TTC21A: variants seen among roughly 807,000 people sequenced by gnomAD.
TTC21A encodes the protein tetratricopeptide repeat domain 21A.
A neutral mutation model predicts 156.4 loss-of-function variants in TTC21A; 128 were observed. That is an observed-to-expected ratio of 0.82 (90% confidence interval 0.71 to 0.95). TTC21A has a LOEUF of 0.95. TTC21A is among the 40% of genes least tolerant of loss of function. The pLI is 0.00. For synonymous variants in TTC21A, 587 were observed against 617.1 expected, an observed-to-expected ratio of 0.95 and a Z score of 0.72; for missense variants, 1,435 against 1,602.3, an observed-to-expected ratio of 0.90 and a Z score of 1.78.
chr3:39,112,555 A>G lies in TTC21A; in HGVS notation c.533A>G (p.Lys178Arg), dbSNP rs748576293. The G allele has an allele frequency of 1.9e-6, 3 of 1,614,154 alleles. No homozygotes were observed. The highest frequency in any genetic ancestry group is 1.1e-5 in the South Asian group (1 of 91,072). ...EYLEQGIQDT[K>R]DVLGLMGKAM... ...CTGGAACAAGGAATTCAGGACACCAAAGATGTGCTGGGGCTGATGGGAAAG... is the reference window on the plus strand; with the variant it reads ...CTGGAACAAGGAATTCAGGACACCAGAGATGTGCTGGGGCTGATGGGAAAG... Residue 178 changes from lysine (K) to arginine (R), a missense_variant, in exon 5 of 29, where the codon AAA becomes AGA. Lys to Arg is a conservative substitution (Grantham distance 26). Transcript: ENST00000683103.
intron 9 of TTC21A, among the ~76,000 whole-genome samples, chr3:39,122,048 C>A (rs978572887): frequency 6.6e-6 from 1 of 152,144 alleles, no homozygotes; most frequent in African/African-American, 2.4e-5. Flanking sequence ...ATGGCTCACG[C>A]CTGTAATCCC....
In TTC21A at chr3:39,129,392, A is replaced by T. The variant is rs1017898169; in HGVS notation, c.2135+82A>T. 4.7e-6 allele frequency: 5 copies of T among 1,054,078 alleles called. No homozygotes were observed. The African/African-American group carries it at 6.3e-5, about 13-fold the overall frequency. 65.3% of individuals were successfully genotyped at this position (1,054,078 alleles called of 1,614,324 possible). ...GTTTCCTTCAGATGGTATTTCTTCA[A>T]CCTGGGTCTCCAGAATGTGTCCTTG... On this transcript the variant is annotated intron_variant, in intron 15 of 28. Transcript: ENST00000683103.
Position 39,134,783 on chromosome 3 carries a change from G to A in TTC21A, c.2863-310G>A. On this transcript the variant is annotated intron_variant, in intron 21 of 28. Transcript: ENST00000683103. This position sits in a 1 kb window ranked among gnomAD's most constrained non-coding sequence, Gnocchi z 4.6. The stretch of plus-strand genomic sequence containing the variant: ...TTGCCTGGCAGTTCTCAGAATGGGT[G>A]GAGAGGCTTCCCCTGTAGGCTGTCA... 1.9e-6 allele frequency: 1 copy of A among 520,210 alleles called. No individual in the cohort carries two copies. The highest frequency in any genetic ancestry group is 2.3e-5 in the South Asian group (1 of 44,094). The allele number at this position is 520,210 out of a possible 1,614,324, so 32.2% of individuals were successfully genotyped here.
chr3:39,110,962 A>G lies in TTC21A; in HGVS notation c.380A>G (p.Asp127Gly), dbSNP rs567860074. ...TTCCTCTGGCTCATAGGCCGCCATG[A>G]CAAGGCCAAAGAGTACATTGACCGC... is the stretch of plus-strand genomic sequence containing the variant. ...GLFLWLIGRH[D>G]KAKEYIDRML... Residue 127 changes from aspartate (D) to glycine (G), a missense_variant, in exon 4 of 29, where the codon GAC becomes GGC. Coordinates refer to ENST00000683103, the MANE Select transcript of TTC21A (RefSeq NM_001366900.1). 2 of 1,613,986 alleles carry G rather than the reference A, an allele frequency of 1.2e-6. No homozygotes were observed. Among genetic ancestry groups the G allele is most frequent in the South Asian group, 2.2e-5 (2 of 91,080 alleles).
intron 7 of TTC21A, 109 bp downstream of exon 7, chr3:39,118,262 A>C: frequency 1.8e-6 from 2 of 1,081,752 alleles, no homozygotes; most frequent in Non-Finnish European, 2.8e-6. Flanking sequence ...CCTGGATCTC[A>C]GCTTCCTCTT....
chr3:39,132,121 A>T (rs2038771442), intron 19 of TTC21A, among the ~76,000 whole-genome samples: 1 of 152,184 alleles, frequency 6.6e-6, no homozygotes, highest in African/African-American at 2.4e-5. Context: ...TACTCTACTG[A>T]ATACTGTAGA....
chr3:39,124,488 C>T (rs1047463443), intron 9 of TTC21A, among the ~76,000 whole-genome samples: 29 of 151,950 alleles, frequency 1.9e-4, no homozygotes, highest in African/African-American at 6.7e-4. Flanking sequence ...GGCAAAACCC[C>T]GTTTCTACTA....
At chr3:39,124,069 A>G (rs368445125) in intron 9 of TTC21A, among the ~76,000 whole-genome samples, 1 of 152,228 alleles carries the variant, frequency 6.6e-6, no homozygotes, top group East Asian at 1.9e-4. Context: ...AAGTTCAAGT[A>G]TCTTTGAGGG....
At chr3:39,123,324 G>A (rs1195092922) in intron 9 of TTC21A, among the ~76,000 whole-genome samples, 1 of 152,194 alleles carries the variant, frequency 6.6e-6, no homozygotes, top group Non-Finnish European at 1.5e-5. Context: ...ACCTGTGCAA[G>A]TAGAATAGCT....
Position 39,138,259 on chromosome 3 carries a change from C to G in TTC21A, c.3676-8C>G. The G allele has an allele frequency of 6.2e-7, 1 of 1,613,950 alleles. No individual in the cohort carries two copies. Among genetic ancestry groups the G allele is most frequent in the East Asian group, 2.2e-5 (1 of 44,886 alleles). On this transcript the variant is annotated splice_polypyrimidine_tract_variant and splice_region_variant and intron_variant, in intron 26 of 28. Transcript: ENST00000683103. Reference sequence around the variant, plus strand: ...CTCTGCAGAGGCTCTAACTGGCTTTCCCTGCAGTCCTGCTACAAGGCCTAT... The same window carrying G: ...CTCTGCAGAGGCTCTAACTGGCTTTGCCTGCAGTCCTGCTACAAGGCCTAT...
chr3:39,130,377 G>A lies in TTC21A; in HGVS notation c.2319+19G>A. ...TACTGAGGTCAGGCTGGGCTAGGGT[G>A]TGAAGGGGCAGGGAGGGCCAGCCCA... On this transcript the variant is annotated intron_variant, in intron 17 of 28. Coordinates refer to ENST00000683103, the MANE Select transcript of TTC21A (RefSeq NM_001366900.1). This position sits in a 1 kb window ranked among gnomAD's most constrained non-coding sequence, Gnocchi z 4.5. The A allele has an allele frequency of 6.3e-7, 1 of 1,596,876 alleles. No homozygotes were observed. Among genetic ancestry groups the A allele is most frequent in the Non-Finnish European group, 8.6e-7 (1 of 1,168,246 alleles).
chr3:39,136,797 C>A, intron 23 of TTC21A, 102 bp from the exon 24 acceptor site: 1 of 1,417,448 alleles, frequency 7.1e-7, no homozygotes. Flanking sequence ...ACCAGAGATC[C>A]AGCCTCTGCT....
intron 8 of TTC21A, 125 bp downstream of exon 8, chr3:39,120,145 A>C (rs959284334): frequency 6.0e-6 from 4 of 669,760 alleles, no homozygotes; most frequent in Non-Finnish European, 7.8e-6. Context: ...CTTGTCCTTT[A>C]GGGTAGTGGC....
In TTC21A at chr3:39,138,061, C is replaced by T. The variant is rs116523310; in HGVS notation, c.3676-206C>T. On this transcript the variant is annotated intron_variant, in intron 26 of 28. Coordinates refer to ENST00000683103, the MANE Select transcript of TTC21A (RefSeq NM_001366900.1). Reference sequence around the variant, plus strand: ...AGGAGGGCTACAGGGAAAGGGGTTACGCCAGTGTCTGGGGTAGCTGAGAGG... The same window carrying T: ...AGGAGGGCTACAGGGAAAGGGGTTATGCCAGTGTCTGGGGTAGCTGAGAGG... 2.1e-3 allele frequency: 1,415 copies of T among 677,810 alleles called. 13 individuals are homozygous for T. The highest frequency in any genetic ancestry group is 0.018 in the African/African-American group (1,022 of 55,374). The allele number at this position is 677,810 out of a possible 1,614,324, so 42.0% of individuals were successfully genotyped here.
Position 39,118,096 on chromosome 3 carries a change from T to C in TTC21A, c.744T>C (p.Ile248=). The C allele has an allele frequency of 6.2e-7, 1 of 1,614,178 alleles. No individual in the cohort carries two copies. Among genetic ancestry groups the C allele is most frequent in the Non-Finnish European group, 8.5e-7 (1 of 1,179,972 alleles). The change falls in exon 7 of 29, where the codon ATT becomes ATC. Residue 248 remains isoleucine, a synonymous_variant. Transcript: ENST00000683103. ...TCCTAGAAAAAGATGAGAGCAATAT[T>C]GATGCCTGCCAAATTCTAACCGTGC... The part of the protein sequence containing the change: ...HRILEKDESN[I]DACQILTVHE...
At chr3:39,132,774 C>T (rs1366083189) in intron 19 of TTC21A, 1 of 500,086 alleles carries the variant, frequency 2.0e-6, no homozygotes, top group Admixed American at 3.5e-5. Flanking sequence ...GAATTAGACA[C>T]AGAACCTCAA....
intron 20 of TTC21A, among the ~76,000 whole-genome samples, 161 bp downstream of exon 20, chr3:39,133,401 A>G (rs1396664296): frequency 1.3e-5 from 2 of 152,228 alleles, no homozygotes; most frequent in Admixed American, 6.5e-5. Flanking sequence ...CTCTGGGGTA[A>G]GGTGTCTGCT....
At chr3:39,124,009 C>T (rs922875657) in intron 9 of TTC21A, among the ~76,000 whole-genome samples, 13 of 152,082 alleles carry the variant, frequency 8.5e-5, no homozygotes, top group Non-Finnish European at 1.5e-5. Context: ...AAAATTACAG[C>T]ACGTTTGAGG....
chr3:39,138,520 G>C (rs1156834506), intron 27 of TTC21A, 36 bp from the exon 28 acceptor site: 1 of 1,614,086 alleles, frequency 6.2e-7, no homozygotes, highest in Non-Finnish European at 8.5e-7. Context: ...CAGGTCACCA[G>C]GGTGCCACCA....
Sources: allele counts gnomAD v4.1 joint callset (sites outside exome capture counted in the v4.1 genomes callset), GRCh38; gene constraint gnomAD v4.1.1; non-coding constraint Gnocchi (gnomAD v3.1); transcripts MANE v1.5; gene names NCBI Gene and HGNC (gene_info 2026-07-23, HGNC 2026-07-21).